FAT1: variants seen among roughly 807,000 people sequenced by gnomAD.
FAT1 encodes the protein protocadherin Fat 1.
In FAT1, 171 loss-of-function variants were observed where a neutral mutation model predicts 329.8. The observed-to-expected ratio is 0.52, with a 90% CI of 0.46 to 0.59. The LOEUF is 0.59. Among genes scored for constraint, FAT1 ranks in the 20% least tolerant of loss-of-function variants. The pLI is 0.00. For missense variants in FAT1, 5,672 were observed against 5,774.4 expected (o/e 0.98, Z 0.57); for synonymous variants, 2,233 against 2,228.6 (o/e 1.00, Z -0.06).
chr4:186,711,850 G>A (rs1744972994), intron 1 of FAT1, among the ~76,000 whole-genome samples: 1 of 152,128 alleles, frequency 6.6e-6, no homozygotes, highest in African/African-American at 2.4e-5. Context: ...AACCCGGGAG[G>A]CAGAGATTGC....
At chr4:186,595,663 A>C (rs1293867189) in intron 26 of FAT1, 26 bp downstream of exon 26, 17 of 1,612,586 alleles carry the variant, frequency 1.1e-5, no homozygotes, top group Non-Finnish European at 1.4e-5. Flanking sequence ...AGCAAAGCGC[A>C]GTGTTGCAGC....
intron 1 of FAT1, among the ~76,000 whole-genome samples, chr4:186,720,382 C>CAA (rs36092214): frequency 3.3e-5 from 5 of 151,774 alleles, no homozygotes; most frequent in African/African-American, 4.8e-5. Context: ...TCTACCTAGA[C>CAA]AAAAAAAAGA....
intron 2 of FAT1, among the ~76,000 whole-genome samples, chr4:186,674,508 G>T (rs981164992): frequency 6.6e-6 from 1 of 152,176 alleles, no homozygotes; most frequent in African/African-American, 2.4e-5. Flanking sequence ...ATCACTGTTA[G>T]TGGAAAAACA....
intron 22 of FAT1, among the ~76,000 whole-genome samples, chr4:186,599,346 C>T (rs1271099966): frequency 6.6e-6 from 1 of 152,102 alleles, no homozygotes; most frequent in East Asian, 1.9e-4. Context: ...CCTAACTGTA[C>T]CCTATTATTG....
chr4:186,709,703 G>T lies in FAT1; in HGVS notation c.125C>A (p.Thr42Asn), dbSNP rs377614281. The stretch of plus-strand genomic sequence containing the variant: ...CTTAGCTGCAGAGTTCTCCTGCACG[G>T]TGACGTTGTACTCGAGGTGTGTAAA... The part of the protein sequence containing the change: ...LQFTHLEYNV[T>N]VQENSAAKTY... The change falls in exon 2 of 27, where the codon ACC (threonine) becomes AAC (asparagine). Residue 42 changes from threonine to asparagine, a missense_variant. This residue lies in a region of FAT1 where 3,966 missense variants were observed against 3,915.2 expected (regional missense o/e 1.01). Coordinates refer to ENST00000441802, the MANE Select transcript of FAT1 (RefSeq NM_005245.4). The T allele has an allele frequency of 4.5e-5, 73 of 1,613,864 alleles. No homozygotes were observed. Among genetic ancestry groups the T allele is most frequent in the Non-Finnish European group, 5.9e-5 (70 of 1,179,896 alleles).
intron 3 of FAT1, among the ~76,000 whole-genome samples, chr4:186,662,906 G>A (rs567780505): frequency 6.5e-4 from 99 of 151,550 alleles, no homozygotes; most frequent in African/African-American, 2.3e-3. Context: ...GCACCATCTC[G>A]GCTCACTGCA....
Position 186,600,095 on chromosome 4 carries a change from A to G in FAT1, c.11906T>C (p.Val3969Ala), listed in dbSNP as rs1327330873. The G allele has an allele frequency of 5.6e-6, 9 of 1,613,914 alleles. No individual in the cohort carries two copies. Among genetic ancestry groups the G allele is most frequent in the African/African-American group, 2.7e-5 (2 of 74,932 alleles). Reference protein sequence around the residue: ...QGTRHGRSPQVGNGFRGCMDS... With the variant: ...QGTRHGRSPQAGNGFRGCMDS... ...CATACAACCCCTGAAACCATTACCAACTTGAGGACTTCTTCCATGCCTTGT... is the reference window on the plus strand; with the variant it reads ...CATACAACCCCTGAAACCATTACCAGCTTGAGGACTTCTTCCATGCCTTGT... The change falls in exon 22 of 27, where the codon GTT becomes GCT. Residue 3969 changes from valine to alanine, a missense_variant. Physicochemically the swap from Val to Ala is moderately conservative, Grantham distance 64. This residue lies in a region of FAT1 where 1,706 missense variants were observed against 1,859.1 expected (regional missense o/e 0.92). Coordinates refer to ENST00000441802, the MANE Select transcript of FAT1 (RefSeq NM_005245.4).
At chr4:186,614,970 G>T (rs1355114882) in intron 11 of FAT1, among the ~76,000 whole-genome samples, 1 of 152,078 alleles carries the variant, frequency 6.6e-6, no homozygotes, top group Non-Finnish European at 1.5e-5. Context: ...CAATTATTTA[G>T]AAATCCATGC....
chr4:186,709,309 G>T lies in FAT1; in HGVS notation c.519C>A (p.Ala173=), dbSNP rs1393177561. The stretch of plus-strand genomic sequence containing the variant: ...CGTTGGTTCCTATGTCTGCATCCGT[G>T]GCGCTGACTCTTGCGATACTGGTCC... ...AIRTSIARVS[A]TDADIGTNGE... is the part of the protein sequence containing the mutation. The change falls in exon 2 of 27, where the codon GCC becomes GCA. Residue 173 remains alanine (A), a synonymous_variant. Coordinates refer to ENST00000441802, the MANE Select transcript of FAT1 (RefSeq NM_005245.4). The T allele has an allele frequency of 6.2e-7, 1 of 1,613,850 alleles. No individual in the cohort carries two copies. The highest frequency in any genetic ancestry group is 1.3e-5 in the African/African-American group (1 of 74,900).
intron 3 of FAT1, among the ~76,000 whole-genome samples, chr4:186,658,893 GTTC>G (rs1319097353): frequency 1.3e-5 from 2 of 152,082 alleles, no homozygotes; most frequent in African/African-American, 4.8e-5. Context: ...GCACACATCT[GTTC>G]TTCTTGGTTA....
At chr4:186,606,890 T>A (rs1297804892) in intron 16 of FAT1, among the ~76,000 whole-genome samples, 1 of 152,226 alleles carries the variant, frequency 6.6e-6, no homozygotes, top group Non-Finnish European at 1.5e-5. Context: ...CTACAGAACG[T>A]TAGTCCTGCA....
chr4:186,707,524 A>C lies in FAT1; in HGVS notation c.2304T>G (p.Asp768Glu), dbSNP rs2126689277. The change falls in exon 2 of 27, where the codon GAT becomes GAG. Residue 768 changes from aspartate to glutamate, a missense_variant. Physicochemically the swap from Asp to Glu is conservative, Grantham distance 45. This residue lies in a region of FAT1 where 3,966 missense variants were observed against 3,915.2 expected (regional missense o/e 1.01). Transcript: ENST00000441802. The stretch of plus-strand genomic sequence containing the variant: ...AAATTTTCAGCATTCCTGTTTCCAT[A>C]TCAATCATGAAGCAACTATCCTCAT... ...GGNEDSCFMI[D>E]METGMLKILS... 1 of 1,613,982 alleles carries C rather than the reference A, an allele frequency of 6.2e-7. No individual in the cohort carries two copies. The highest frequency in any genetic ancestry group is 8.5e-7 in the Non-Finnish European group (1 of 1,179,882).
intron 26 of FAT1, among the ~76,000 whole-genome samples, chr4:186,590,150 GT>G (rs11410853): frequency 4.1e-4 from 61 of 148,520 alleles, no homozygotes; most frequent in Middle Eastern, 7.1e-3. Context: ...TTTTGGAATA[GT>G]TTTTTTTTTT....
At chr4:186,629,260 T>C (rs1579352560) in intron 7 of FAT1, among the ~76,000 whole-genome samples, 2 of 152,056 alleles carry the variant, frequency 1.3e-5, no homozygotes, top group Non-Finnish European at 2.9e-5. Context: ...TTTTAATACG[T>C]AAAAAGAAAA....
chr4:186,614,890 G>A (rs960045466), intron 11 of FAT1, among the ~76,000 whole-genome samples: 2 of 152,106 alleles, frequency 1.3e-5, no homozygotes, highest in African/African-American at 2.4e-5. Context: ...ACTGCCCTGC[G>A]TGATCCTGGT....
chr4:186,718,640 C>T (rs2126720323), intron 1 of FAT1, among the ~76,000 whole-genome samples: 1 of 152,286 alleles, frequency 6.6e-6, no homozygotes, highest in Non-Finnish European at 1.5e-5. Flanking sequence ...GCACTCCAGC[C>T]TGGGCGACAG....
intron 2 of FAT1, among the ~76,000 whole-genome samples, chr4:186,676,786 G>C (rs1162134759): frequency 6.6e-6 from 1 of 152,172 alleles, no homozygotes; most frequent in African/African-American, 2.4e-5. Flanking sequence ...GCACACAGCT[G>C]GTGGAAGGGC....
chr4:186,674,509 T>C (rs1164953567), intron 2 of FAT1, among the ~76,000 whole-genome samples: 1 of 152,038 alleles, frequency 6.6e-6, no homozygotes, highest in African/African-American at 2.4e-5. Context: ...TCACTGTTAG[T>C]GGAAAAACAG....
intron 2 of FAT1, among the ~76,000 whole-genome samples, chr4:186,681,540 A>G (rs1743205838): frequency 6.6e-6 from 1 of 152,226 alleles, no homozygotes; most frequent in East Asian, 1.9e-4. Context: ...AGCCCAGGTG[A>G]CATTCCTTAT....
Sources: gnomAD v4.1 joint callset for allele counts (sites outside exome capture counted in the v4.1 genomes callset) on GRCh38, gnomAD v4.1.1 for gene constraint, gnomAD v4.1.1 regional missense constraint, MANE v1.5 for transcripts, NCBI Gene and HGNC (gene_info 2026-07-23, HGNC 2026-07-21) for gene names.